GRIK3: variants seen among roughly 807,000 people sequenced by gnomAD.
GRIK3 encodes glutamate receptor ionotropic, kainate 3.
Under a neutral mutation model 102.5 loss-of-function variants are expected in GRIK3, and 29 were observed. The ratio of observed to expected loss-of-function variants is 0.28; its 90% confidence interval spans 0.21 to 0.39. GRIK3 has a LOEUF of 0.39. Ranked by LOEUF, GRIK3 falls within the 10% of genes least tolerant of loss-of-function variation. GRIK3 has a pLI of 1.00. For synonymous variants in GRIK3, 511 were observed against 504.9 expected, an observed-to-expected ratio of 1.01 and a Z score of -0.16; for missense variants, 908 against 1,252.4, an observed-to-expected ratio of 0.73 and a Z score of 4.15.
intron 11 of GRIK3, among the ~76,000 whole-genome samples, chr1:36,821,597 CT>C (rs896934197): frequency 2.0e-5 from 3 of 152,218 alleles, no homozygotes; most frequent in Non-Finnish European, 4.4e-5. Flanking sequence ...TCCCAGGATG[CT>C]GGGTCCACAG....
chr1:36,885,468 T>C (rs897549706), intron 2 of GRIK3, among the ~76,000 whole-genome samples: 3 of 152,204 alleles, frequency 2.0e-5, no homozygotes, highest in Non-Finnish European at 4.4e-5. Context: ...ATTGTGGTGC[T>C]GGTGTACTGG....
chr1:36,905,843 G>A (rs901479882), intron 1 of GRIK3, among the ~76,000 whole-genome samples: 11 of 152,188 alleles, frequency 7.2e-5, no homozygotes, highest in African/African-American at 2.7e-4. Context: ...TTACAGATCT[G>A]AAGAAAGATA....
intron 13 of GRIK3, among the ~76,000 whole-genome samples, chr1:36,813,459 A>G (rs1642585276): frequency 6.6e-6 from 1 of 152,186 alleles, no homozygotes; most frequent in African/African-American, 2.4e-5. Context: ...TCAGGGGAAG[A>G]CCACCTCTCT....
chr1:36,918,757 A>G (rs958044542), intron 1 of GRIK3, among the ~76,000 whole-genome samples: 1 of 152,112 alleles, frequency 6.6e-6, no homozygotes, highest in Non-Finnish European at 1.5e-5. Flanking sequence ...GACCTTCAAG[A>G]GATGTGCTGC....
chr1:36,842,028 G>A, intron 9 of GRIK3, 89 bp from the exon 10 acceptor site: 1 of 1,073,108 alleles, frequency 9.3e-7, no homozygotes. Context: ...TAGGACCTCT[G>A]CTCATGTTTT....
chr1:36,883,608 A>G (rs1483840854), intron 2 of GRIK3, among the ~76,000 whole-genome samples: 1 of 152,196 alleles, frequency 6.6e-6, no homozygotes, highest in Non-Finnish European at 1.5e-5. Flanking sequence ...CTAGATCCTT[A>G]GAGGAAAGTC....
At chr1:36,985,155 GGT>G (rs891769998) in intron 1 of GRIK3, among the ~76,000 whole-genome samples, 8 of 152,178 alleles carry the variant, frequency 5.3e-5, no homozygotes, top group Admixed American at 1.3e-4. Context: ...AAGAAGAGGG[GGT>G]GGGAGAGGAA....
intron 1 of GRIK3, among the ~76,000 whole-genome samples, chr1:37,031,758 GTT>G (rs1642830536): frequency 6.6e-6 from 1 of 152,226 alleles, no homozygotes; most frequent in Admixed American, 6.5e-5. Flanking sequence ...AAGGTGGTGT[GTT>G]TGGATTTTAG....
chr1:36,810,766 A>C (rs551386395), intron 13 of GRIK3, among the ~76,000 whole-genome samples: 1 of 152,202 alleles, frequency 6.6e-6, no homozygotes, highest in Admixed American at 6.5e-5. Flanking sequence ...GGATTTGAGC[A>C]GTTTATCATT....
intron 10 of GRIK3, among the ~76,000 whole-genome samples, chr1:36,828,377 C>T (rs200436775): frequency 5.3e-5 from 8 of 152,308 alleles, no homozygotes; most frequent in African/African-American, 9.6e-5. Context: ...CAGTGGACTG[C>T]GTATTCAATA....
At position 36,949,949 on chromosome 1, in the gene GRIK3, C is replaced by A. The variant is rs186555413; in HGVS notation, c.116-58853G>T. 2.4e-4 allele frequency among the ~76,000 whole-genome samples: 37 copies of A among 152,218 alleles called. No homozygotes were observed. The East Asian group carries it at 5.6e-3, about 23-fold the overall frequency. On this transcript the variant is annotated intron_variant, in intron 1 of 15. Transcript: ENST00000373091. ...ACAGAGGCACAGAGTGGTCAAGCAACCTTCCCAAAATCTCACAGCTGGTAA... is the reference window on the plus strand; with the variant it reads ...ACAGAGGCACAGAGTGGTCAAGCAAACTTCCCAAAATCTCACAGCTGGTAA...
At chr1:37,032,796 C>CA (rs1480982360) in intron 1 of GRIK3, among the ~76,000 whole-genome samples, 3 of 152,132 alleles carry the variant, frequency 2.0e-5, no homozygotes, top group African/African-American at 4.8e-5. Context: ...GGCGGCCGCC[C>CA]AGGAGGAGAC....
intron 1 of GRIK3, among the ~76,000 whole-genome samples, chr1:36,893,778 C>T (rs1271483832): frequency 6.6e-6 from 1 of 152,118 alleles, no homozygotes; most frequent in Admixed American, 6.6e-5. Context: ...AAATAGTAAA[C>T]TATTGTCTAT....
chr1:37,009,985 A>G (rs896169793), intron 1 of GRIK3, among the ~76,000 whole-genome samples: 3 of 152,196 alleles, frequency 2.0e-5, no homozygotes, highest in Admixed American at 6.5e-5. Context: ...CCTCGGCACC[A>G]ACACAGACAC....
chr1:36,959,357 C>CCTGTGTGCCCTGTGAGT (rs1251499044), intron 1 of GRIK3, among the ~76,000 whole-genome samples: 1 of 119,988 alleles, frequency 8.3e-6, no homozygotes. Context: ...GTCCCGTGAG[C>CCTGTGTGCCCTGTGAGT]CTGTGTGCCC....
intron 1 of GRIK3, among the ~76,000 whole-genome samples, chr1:36,916,667 C>T (rs913576404): frequency 3.3e-5 from 5 of 152,310 alleles, no homozygotes; most frequent in African/African-American, 1.2e-4. Flanking sequence ...AGCCCCAAGC[C>T]TCAGCAGCTT....
chr1:36,966,044 A>G (rs1642074448), intron 1 of GRIK3, among the ~76,000 whole-genome samples: 2 of 152,226 alleles, frequency 1.3e-5, no homozygotes, highest in Admixed American at 1.3e-4. Context: ...TCTTAGCCCC[A>G]CCCGTGACAC....
At chr1:37,026,703 T>C (rs1015139231) in intron 1 of GRIK3, among the ~76,000 whole-genome samples, 2 of 152,092 alleles carry the variant, frequency 1.3e-5, no homozygotes, top group Non-Finnish European at 2.9e-5. Context: ...GATGAGGAAA[T>C]GGAAGCTCAG....
chr1:36,961,498 C>T (rs761321451), intron 1 of GRIK3, among the ~76,000 whole-genome samples: 4 of 152,222 alleles, frequency 2.6e-5, no homozygotes, highest in African/African-American at 4.8e-5. Context: ...AGGGGTGGCT[C>T]TCAGGAGGCC....
Sources: gnomAD v4.1 joint callset for allele counts (sites outside exome capture counted in the v4.1 genomes callset) on GRCh38, gnomAD v4.1.1 for gene constraint, MANE v1.5 for transcripts, NCBI Gene and HGNC (gene_info 2026-07-23, HGNC 2026-07-21) for gene names.